Variants in HUNK observed in about 807,000 individuals in gnomAD.
The protein encoded by HUNK is hormonally up-regulated neu tumor-associated kinase.
A neutral mutation model predicts 61.0 loss-of-function variants in HUNK; 21 were observed. The observed-to-expected ratio is 0.34, with a 90% CI of 0.24 to 0.50. The LOEUF is 0.50. Ranked by LOEUF, HUNK falls within the 20% of genes least tolerant of loss-of-function variation. The pLI, the probability that HUNK is intolerant of heterozygous loss-of-function variation, is 0.98. For synonymous variants in HUNK, 371 were observed against 386.1 expected (o/e 0.96, Z 0.46); for missense variants, 772 against 945.7 (o/e 0.82, Z 2.41).
At position 31,873,776 on chromosome 21, in the gene HUNK, A is replaced by T. The variant is rs1216160492; in HGVS notation, c.102A>T (p.Gly34=). Residue 34 remains glycine (G), a synonymous_variant, in exon 1 of 11, where the codon GGA becomes GGT. Transcript: ENST00000270112. This position sits in a 1 kb window ranked among gnomAD's most constrained non-coding sequence, Gnocchi z 6.1. ...CCAGGCCCGCGGCGGCCTGCGAGGG[A>T]AGTTTCCTGCCTGCCTGGGTGAGCG... The part of the protein sequence containing the change: ...DAARPAAACE[G]SFLPAWVSGV... 6.6e-7 allele frequency: 1 copy of T among 1,515,960 alleles called. No individual in the cohort carries two copies. Among genetic ancestry groups the T allele is most frequent in the South Asian group, 1.2e-5 (1 of 80,858 alleles). The allele number at this position is 1,515,960 out of a possible 1,614,324, so 93.9% of individuals were successfully genotyped here.
chr21:31,992,537 G>A (rs890148113), intron 9 of HUNK, among the ~76,000 whole-genome samples: 1 of 152,198 alleles, frequency 6.6e-6, no homozygotes, highest in Non-Finnish European at 1.5e-5. Context: ...ATGAAGGTGC[G>A]AGAGGGCGGG....
intron 2 of HUNK, among the ~76,000 whole-genome samples, chr21:31,934,805 G>A (rs2052722007): frequency 1.3e-5 from 2 of 151,968 alleles, no homozygotes; most frequent in South Asian, 2.1e-4. Flanking sequence ...TAATGACTTC[G>A]AGCGGCATCC....
At chr21:31,919,229 A>G (rs2052607010) in intron 1 of HUNK, among the ~76,000 whole-genome samples, 1 of 135,776 alleles carries the variant, frequency 7.4e-6, no homozygotes, top group Admixed American at 7.2e-5. Context: ...AATGAGTGGT[A>G]TGAGGATGAG....
chr21:31,931,919 C>T (rs1425886977), intron 2 of HUNK, among the ~76,000 whole-genome samples: 2 of 151,974 alleles, frequency 1.3e-5, no homozygotes, highest in South Asian at 2.1e-4. Flanking sequence ...TGCATGCACG[C>T]GCGCACACAC....
chr21:31,939,973 T>C (rs756222070), intron 2 of HUNK, among the ~76,000 whole-genome samples, 192 bp from the exon 3 acceptor site: 3 of 152,164 alleles, frequency 2.0e-5, no homozygotes, highest in Admixed American at 2.0e-4. Context: ...CTTCAGCTTT[T>C]ATAGTCTACA....
chr21:31,874,863 G>A (rs927524316), intron 1 of HUNK, among the ~76,000 whole-genome samples: 1 of 152,200 alleles, frequency 6.6e-6, no homozygotes, highest in African/African-American at 2.4e-5. Context: ...TGCCAGGCGA[G>A]GGGCAGGTAA....
chr21:31,917,695 T>TACAC (rs3056146), intron 1 of HUNK, among the ~76,000 whole-genome samples: 6,479 of 94,590 alleles, frequency 0.068, 381 homozygotes, highest in East Asian at 0.097. Flanking sequence ...TTCCCAAACA[T>TACAC]ACACACACAC....
At chr21:31,930,125 G>A (rs1041347171) in intron 2 of HUNK, among the ~76,000 whole-genome samples, 4 of 152,192 alleles carry the variant, frequency 2.6e-5, no homozygotes, top group African/African-American at 4.8e-5. Flanking sequence ...ACAGTGGTCC[G>A]CAGTGCTGAT....
At chr21:31,942,618 C>T (rs529957772) in intron 3 of HUNK, among the ~76,000 whole-genome samples, 2 of 152,140 alleles carry the variant, frequency 1.3e-5, no homozygotes, top group Non-Finnish European at 2.9e-5. Context: ...GTTATGGTCA[C>T]TCTTTGGGTG....
At chr21:31,949,353 C>T (rs1444209709) in intron 4 of HUNK, among the ~76,000 whole-genome samples, 1 of 152,178 alleles carries the variant, frequency 6.6e-6, no homozygotes, top group East Asian at 1.9e-4. Context: ...AACACAGCCC[C>T]TCCCGGCAGC....
At chr21:31,965,075 A>G (rs1344024210) in intron 5 of HUNK, among the ~76,000 whole-genome samples, 1 of 152,206 alleles carries the variant, frequency 6.6e-6, no homozygotes, top group Non-Finnish European at 1.5e-5. Flanking sequence ...GACTCTTCCA[A>G]TGCAGGGTTG....
At chr21:31,994,013 C>T (rs930486328) in intron 9 of HUNK, among the ~76,000 whole-genome samples, 8 of 152,188 alleles carry the variant, frequency 5.3e-5, no homozygotes, top group South Asian at 2.1e-4. Flanking sequence ...CGGGAAAATC[C>T]GCGTTTCCAC....
intron 1 of HUNK, among the ~76,000 whole-genome samples, chr21:31,917,930 A>G (rs920330882): frequency 8.5e-5 from 13 of 152,102 alleles, no homozygotes; most frequent in African/African-American, 2.9e-4. Context: ...GCAAAGATTT[A>G]ATTTCACTCT....
At chr21:31,888,028 C>A (rs1407349410) in intron 1 of HUNK, among the ~76,000 whole-genome samples, 1 of 152,108 alleles carries the variant, frequency 6.6e-6, no homozygotes, top group East Asian at 1.9e-4. Context: ...CTGCATGAGA[C>A]AACTTACTCT....
chr21:31,909,516 C>T (rs1208900981), intron 1 of HUNK, among the ~76,000 whole-genome samples: 1 of 152,194 alleles, frequency 6.6e-6, no homozygotes, highest in Non-Finnish European at 1.5e-5. Flanking sequence ...CAAGATCAGT[C>T]CTAATGAGCT....
At chr21:31,993,840 G>A (rs1159494413) in intron 9 of HUNK, among the ~76,000 whole-genome samples, 4 of 152,158 alleles carry the variant, frequency 2.6e-5, no homozygotes, top group Non-Finnish European at 5.9e-5. Context: ...ATAACGTCCT[G>A]GAGCACATAA....
chr21:31,946,290 A>C (rs1010205966), intron 4 of HUNK, 119 bp downstream of exon 4: 2 of 985,088 alleles, frequency 2.0e-6, no homozygotes, highest in Non-Finnish European at 2.9e-6. Flanking sequence ...GGAGTATGTC[A>C]TCAGGGATTC....
At chr21:31,883,045 C>G (rs1242050039) in intron 1 of HUNK, among the ~76,000 whole-genome samples, 7 of 151,566 alleles carry the variant, frequency 4.6e-5, no homozygotes, top group Non-Finnish European at 1.0e-4. Context: ...TATTCTCAAA[C>G]CATACTTCAG....
At chr21:31,962,407 C>G (rs181089549) in intron 5 of HUNK, among the ~76,000 whole-genome samples, 3 of 152,216 alleles carry the variant, frequency 2.0e-5, no homozygotes, top group South Asian at 2.1e-4. Context: ...AGGCTGGGCT[C>G]TAAGTGTTTT....
Sources: gnomAD v4.1 joint callset for allele counts (sites outside exome capture counted in the v4.1 genomes callset) on GRCh38, gnomAD v4.1.1 for gene constraint, Gnocchi (gnomAD v3.1) non-coding constraint, MANE v1.5 for transcripts, NCBI Gene and HGNC (gene_info 2026-07-23, HGNC 2026-07-21) for gene names.